ANKS3: variants seen among roughly 807,000 people sequenced by gnomAD.
ANKS3 encodes the protein ankyrin repeat and sterile alpha motif domain containing 3.
In ANKS3, 62 loss-of-function variants were observed where a neutral mutation model predicts 80.7. The observed-to-expected ratio is 0.77, with a 90% CI of 0.63 to 0.95. The LOEUF (loss-of-function observed/expected upper bound fraction) is 0.95, where lower values mean the gene tolerates loss of function less well. Among genes scored for constraint, ANKS3 ranks in the 40% least tolerant of loss-of-function variants. ANKS3 has a pLI of 0.00. For missense variants in ANKS3, 1,150 were observed against 883.6 expected, an observed-to-expected ratio of 1.30 and a Z score of -3.82; for synonymous variants, 489 against 355.3, an observed-to-expected ratio of 1.38 and a Z score of -4.23.
chr16:4,724,931 G>T, intron 5 of ANKS3, 100 bp from the exon 6 acceptor site: 1 of 962,590 alleles, frequency 1.0e-6, no homozygotes, highest in South Asian at 1.5e-5. Flanking sequence ...ACGAGTCACC[G>T]ATCCCTAAGC....
intron 7 of ANKS3, among the ~76,000 whole-genome samples, chr16:4,711,443 G>A (rs2080478709): frequency 6.6e-6 from 1 of 151,816 alleles, no homozygotes; most frequent in South Asian, 2.1e-4. Flanking sequence ...AATTGGCCGG[G>A]TGCGGTGGCT....
In ANKS3 at chr16:4,701,497, G is replaced by A; in HGVS notation, c.1056C>T (p.Ser352=). The part of the protein sequence containing the change: ...CANLGPVQSS[S]SSEGLARAQG... ...GGGCTCTGGCCAGGCCCTCGCTGCT[G>A]CTGCTGCTCTGGACGGGCCCCAGGT... The change falls in exon 10 of 18, where the codon AGC becomes AGT. Residue 352 remains serine, a synonymous_variant. Transcript: ENST00000304283. 2 of 1,612,186 alleles carry A rather than the reference G, an allele frequency of 1.2e-6. No homozygotes were observed. The highest frequency in any genetic ancestry group is 1.3e-5 in the African/African-American group (1 of 75,024).
Position 4,714,007 on chromosome 16 carries a change from G to T in ANKS3, c.709+44C>A, listed in dbSNP as rs375191291. 3.7e-6 allele frequency: 6 copies of T among 1,604,716 alleles called. 1 individual carries two copies. Among genetic ancestry groups the T allele is most frequent in the East Asian group, 4.5e-5 (2 of 44,766 alleles). On this transcript the variant is annotated intron_variant, in intron 7 of 17. Coordinates refer to ENST00000304283, the MANE Select transcript of ANKS3 (RefSeq NM_133450.4). The stretch of plus-strand genomic sequence containing the variant: ...TCTGCCAGGTCACCTAAAGCTCAAG[G>T]CAACCAGAGACCCCAGCAGGGCGCG...
intron 6 of ANKS3, among the ~76,000 whole-genome samples, chr16:4,722,677 G>A (rs890450150): frequency 6.6e-6 from 1 of 152,010 alleles, no homozygotes; most frequent in South Asian, 2.1e-4. Flanking sequence ...TAGCACTTTG[G>A]GAGGCTAAGG....
chr16:4,707,281 CTTT>C (rs112926809), intron 7 of ANKS3, among the ~76,000 whole-genome samples: 1 of 135,914 alleles, frequency 7.4e-6, no homozygotes, highest in Non-Finnish European at 1.6e-5. Flanking sequence ...CGGAAGGACA[CTTT>C]TTTTTTTTTT....
intron 7 of ANKS3, among the ~76,000 whole-genome samples, chr16:4,707,971 C>T (rs1410091246): frequency 1.3e-5 from 2 of 152,034 alleles, no homozygotes; most frequent in Admixed American, 1.3e-4. Context: ...AAAAATGAGC[C>T]AGGCGTGGTG....
intron 7 of ANKS3, 114 bp from the exon 8 acceptor site, chr16:4,705,367 G>A (rs754966673): frequency 1.6e-6 from 2 of 1,289,250 alleles, no homozygotes; most frequent in Non-Finnish European, 2.1e-6. Flanking sequence ...TTAAGGAGAA[G>A]GGTATCTGCC....
At chr16:4,717,052 G>A (rs868111115) in intron 6 of ANKS3, among the ~76,000 whole-genome samples, 1 of 149,780 alleles carries the variant, frequency 6.7e-6, no homozygotes. Flanking sequence ...GCCAATGTGG[G>A]AAAACGTGGT....
chr16:4,698,947 G>A lies in ANKS3; in HGVS notation c.1410-6C>T, dbSNP rs779572784. The A allele has an allele frequency of 8.7e-6, 14 of 1,605,340 alleles. No individual in the cohort carries two copies. Among genetic ancestry groups the A allele is most frequent in the Admixed American group, 5.0e-5 (3 of 59,704 alleles). On this transcript the variant is annotated splice_polypyrimidine_tract_variant and splice_region_variant and intron_variant, in intron 12 of 17. Coordinates refer to ENST00000304283, the MANE Select transcript of ANKS3 (RefSeq NM_133450.4). Reference sequence around the variant, plus strand: ...TCCTCTTGGGCCCAAACAGCCTGCGGGGGGAATGTGACCAGGATATGCCTC... The same window carrying A: ...TCCTCTTGGGCCCAAACAGCCTGCGAGGGGAATGTGACCAGGATATGCCTC...
intron 3 of ANKS3, chr16:4,727,606 T>C (rs971915242): frequency 1.3e-5 from 3 of 231,596 alleles, no homozygotes; most frequent in Non-Finnish European, 2.6e-5. Flanking sequence ...CCAGCCTGGA[T>C]TGTCAACACA....
intron 10 of ANKS3, 66 bp downstream of exon 10, chr16:4,701,368 C>G: frequency 6.9e-7 from 1 of 1,451,948 alleles, no homozygotes; most frequent in Non-Finnish European, 9.3e-7. Flanking sequence ...CTTAAAGTAA[C>G]TGGGGGATGT....
chr16:4,732,232 G>C (rs536223084), intron 1 of ANKS3, among the ~76,000 whole-genome samples: 1 of 152,250 alleles, frequency 6.6e-6, no homozygotes, highest in East Asian at 1.9e-4. Flanking sequence ...TTGCAGGTGA[G>C]AATCCCACCC....
In ANKS3 at chr16:4,696,701, C is replaced by T. The variant is rs1238505470; in HGVS notation, c.*207G>A. ...ACCACGAGGTTCTGGGTGAGGCCCT[C>T]GTCCCGCCTCAGTGCTGGCCCGAGC... On this transcript the variant is annotated 3_prime_UTR_variant, in exon 18 of 18. Transcript: ENST00000304283. 7 of 424,580 alleles carry T rather than the reference C, an allele frequency of 1.6e-5. No individual in the cohort carries two copies. The highest frequency in any genetic ancestry group is 2.4e-5 in the South Asian group (1 of 42,158). The allele number at this position is 424,580 out of a possible 1,614,324, so 26.3% of individuals were successfully genotyped here.
intron 6 of ANKS3, among the ~76,000 whole-genome samples, chr16:4,721,508 G>C (rs1050417960): frequency 6.6e-6 from 1 of 151,210 alleles, no homozygotes; most frequent in African/African-American, 2.4e-5. Context: ...CTACTTGGGA[G>C]GCTGAGGCAG....
At chr16:4,730,767 A>C (rs766480252) in intron 2 of ANKS3, among the ~76,000 whole-genome samples, 87 of 152,154 alleles carry the variant, frequency 5.7e-4, no homozygotes, top group Admixed American at 2.6e-3. Flanking sequence ...TAGGAGCATC[A>C]CTTGAACTGA....
At position 4,705,165 on chromosome 16, in the gene ANKS3, G is replaced by A. The variant is rs758439656; in HGVS notation, c.798C>T (p.His266=). 3.3e-5 allele frequency: 53 copies of A among 1,613,678 alleles called. No individual in the cohort carries two copies. Among genetic ancestry groups the A allele is most frequent in the Non-Finnish European group, 4.2e-5 (49 of 1,180,044 alleles). The change falls in exon 8 of 18, where the codon CAC becomes CAT. Residue 266 remains histidine, a synonymous_variant. Coordinates refer to ENST00000304283, the MANE Select transcript of ANKS3 (RefSeq NM_133450.4). ...TCCTGGCCAGGGCTCGCGGTCCCTCGTGGATGCTGACACCCTTCTTCCGGC... is the reference window on the plus strand; with the variant it reads ...TCCTGGCCAGGGCTCGCGGTCCCTCATGGATGCTGACACCCTTCTTCCGGC... ...RPCRKKGVSI[H]EGPRALARIT...
chr16:4,725,468 G>A, intron 5 of ANKS3, among the ~76,000 whole-genome samples: 1 of 152,164 alleles, frequency 6.6e-6, no homozygotes, highest in East Asian at 1.9e-4. Context: ...TAAATCAACA[G>A]GCGAGTTGAA....
chr16:4,710,001 A>C (rs1367173380), intron 7 of ANKS3, among the ~76,000 whole-genome samples: 1 of 152,192 alleles, frequency 6.6e-6, no homozygotes, highest in Non-Finnish European at 1.5e-5. Context: ...ACAAAGCGAG[A>C]ACCTGTCTCA....
chr16:4,721,702 C>T (rs1215071390), intron 6 of ANKS3, among the ~76,000 whole-genome samples: 3 of 151,026 alleles, frequency 2.0e-5, no homozygotes, highest in African/African-American at 7.3e-5. Flanking sequence ...GCAGTGGCAA[C>T]ATCTTGGCTC....
Sources: gnomAD v4.1 joint callset for allele counts (sites outside exome capture counted in the v4.1 genomes callset) on GRCh38, gnomAD v4.1.1 for gene constraint, MANE v1.5 for transcripts, NCBI Gene and HGNC (gene_info 2026-07-23, HGNC 2026-07-21) for gene names.